Variants in YBX3 observed in about 807,000 individuals in gnomAD.
YBX3 encodes the protein Y-box binding protein 3, also known as Y-box-binding protein 3.
A neutral mutation model predicts 42.4 loss-of-function variants in YBX3; 29 were observed. That is an observed-to-expected ratio of 0.68 (90% CI 0.51 to 0.93). YBX3 has a LOEUF of 0.93. Among genes scored for constraint, YBX3 ranks in the 40% least tolerant of loss-of-function variants. The pLI, the probability that YBX3 is intolerant of heterozygous loss-of-function variation, is 0.00. For synonymous variants in YBX3, 195 were observed against 189.8 expected, an observed-to-expected ratio of 1.03 and a Z score of -0.22; for missense variants, 517 against 527.5, an observed-to-expected ratio of 0.98 and a Z score of 0.19.
rs772567454 is a variant in YBX3, at chr12:10,713,216, G to A, written c.568C>T (p.Arg190Trp). Reference sequence around the variant, plus strand: ...AAGTAACAGAGACAACGTACATTCCGGGGAGGGCCACGGCGCCTTCCATAG... The same window carrying A: ...AAGTAACAGAGACAACGTACATTCCAGGGAGGGCCACGGCGCCTTCCATAG... ...GYYGRRRGPP[R>W]NYAGEEEEEG... The change falls in exon 5 of 10, where the codon CGG (arginine) becomes TGG (tryptophan). Residue 190 changes from arginine (R) to tryptophan (W), a missense_variant. This residue lies in a region of YBX3 where 420 missense variants were observed against 408.5 expected (regional missense o/e 1.03). Coordinates refer to ENST00000228251, the MANE Select transcript of YBX3 (RefSeq NM_003651.5). 8.1e-5 allele frequency: 130 copies of A among 1,610,876 alleles called. 2 individuals are homozygous for A. The South Asian group carries it at 1.1e-3, about 14-fold the overall frequency.
chr12:10,722,824 C>A, intron 1 of YBX3, 26 bp downstream of exon 1: 1 of 1,439,702 alleles, frequency 6.9e-7, no homozygotes. Context: ...ACTACGGCAG[C>A]CCCTGCCCTC....
chr12:10,712,979 C>T, intron 5 of YBX3: 2 of 502,832 alleles, frequency 4.0e-6, no homozygotes, highest in South Asian at 3.3e-5. Flanking sequence ...GAAATCACCA[C>T]TAAAGAACTT....
intron 6 of YBX3, chr12:10,704,429 C>A: frequency 3.6e-6 from 1 of 279,676 alleles, no homozygotes; most frequent in Non-Finnish European, 6.6e-6. Flanking sequence ...GGATACATTT[C>A]ATTCATCTCT....
chr12:10,713,181 A>G (rs1296362960), intron 5 of YBX3, 30 bp downstream of exon 5: 1 of 1,592,580 alleles, frequency 6.3e-7, no homozygotes, highest in African/African-American at 1.4e-5. Context: ...CAATTTCTCA[A>G]TCACTGGTTA....
chr12:10,710,289 T>C, intron 5 of YBX3, 175 bp from the exon 6 acceptor site: 1 of 1,491,814 alleles, frequency 6.7e-7, no homozygotes, highest in South Asian at 1.3e-5. Context: ...TGGGATAAAC[T>C]ACATTAAGAT....
intron 9 of YBX3, among the ~76,000 whole-genome samples, chr12:10,699,866 G>C (rs766777129): frequency 6.6e-6 from 1 of 152,032 alleles, no homozygotes; most frequent in Non-Finnish European, 1.5e-5. Context: ...AACCAGAAAA[G>C]TCAGTACATA....
At chr12:10,718,373 G>A (rs573570332) in intron 2 of YBX3, 6 of 412,542 alleles carry the variant, frequency 1.5e-5, no homozygotes, top group Admixed American at 4.1e-5. Flanking sequence ...GAAACATCCC[G>A]TTCCTCTGTC....
chr12:10,714,153 C>A (rs1407821537), intron 4 of YBX3, among the ~76,000 whole-genome samples: 1 of 152,058 alleles, frequency 6.6e-6, no homozygotes, highest in East Asian at 1.9e-4. Context: ...TTACAAGATA[C>A]CCTGGGGATC....
At chr12:10,703,975 C>T (rs1372765038) in intron 7 of YBX3, 76 bp downstream of exon 7, 25 of 1,396,202 alleles carry the variant, frequency 1.8e-5, no homozygotes, top group Admixed American at 1.0e-4. Context: ...ATCCACAAAA[C>T]GGAACCACAC....
At chr12:10,715,607 G>T in intron 4 of YBX3, 87 bp downstream of exon 4, 1 of 1,236,966 alleles carries the variant, frequency 8.1e-7, no homozygotes, top group Non-Finnish European at 1.2e-6. Context: ...CCAAAGTCAT[G>T]TCAATTCATA....
chr12:10,714,544 C>A (rs1347216212), intron 4 of YBX3, among the ~76,000 whole-genome samples: 1 of 152,074 alleles, frequency 6.6e-6, no homozygotes, highest in Non-Finnish European at 1.5e-5. Flanking sequence ...TTCAGTTCAC[C>A]CGGACGAAGC....
chr12:10,704,004 G>A (rs759599637), intron 7 of YBX3, 47 bp downstream of exon 7: 34 of 1,551,248 alleles, frequency 2.2e-5, no homozygotes, highest in Non-Finnish European at 2.9e-5. Flanking sequence ...TTCTACCATT[G>A]TGCACACAAG....
chr12:10,709,902 T>C lies in YBX3; in HGVS notation c.780+6A>G, dbSNP rs1182958580. On this transcript the variant is annotated splice_donor_region_variant and intron_variant, in intron 6 of 9. Transcript: ENST00000228251. ...TGCTGAAGAGAAGTCTCAGTTGCAA[T>C]TTTACCTGTATTCTGTTGGGATGGG... 5 of 1,613,748 alleles carry C rather than the reference T, an allele frequency of 3.1e-6. No individual in the cohort carries two copies. Among genetic ancestry groups the C allele is most frequent in the Non-Finnish European group, 3.4e-6 (4 of 1,180,024 alleles).
chr12:10,718,307 C>A, intron 2 of YBX3, 186 bp from the exon 3 acceptor site: 1 of 504,590 alleles, frequency 2.0e-6, no homozygotes. Context: ...GGCCACCCAC[C>A]TTCCTCCTCC....
intron 6 of YBX3, among the ~76,000 whole-genome samples, chr12:10,706,389 TGG>T: frequency 6.6e-6 from 1 of 152,314 alleles, no homozygotes; most frequent in South Asian, 2.1e-4. Flanking sequence ...GAAACCTCAA[TGG>T]GGAATATGTC....
At chr12:10,703,959 TAATA>T in intron 7 of YBX3, 88 bp downstream of exon 7, 1 of 1,227,614 alleles carries the variant, frequency 8.1e-7, no homozygotes, top group East Asian at 2.3e-5. Flanking sequence ...TCTAGATATA[TAATA>T]AATCCACAAA....
chr12:10,712,828 G>A (rs1948214581), intron 5 of YBX3: 1 of 161,980 alleles, frequency 6.2e-6, no homozygotes, highest in Admixed American at 6.4e-5. Flanking sequence ...ATTACTTGTA[G>A]CCAAATATAT....
chr12:10,718,591 A>C (rs1468356243), intron 2 of YBX3, among the ~76,000 whole-genome samples: 1 of 152,230 alleles, frequency 6.6e-6, no homozygotes. Flanking sequence ...AAATGCCGAT[A>C]TCATGTGAAA....
intron 6 of YBX3, among the ~76,000 whole-genome samples, chr12:10,706,044 T>G (rs545105360): frequency 1.3e-5 from 2 of 152,370 alleles, no homozygotes; most frequent in East Asian, 3.9e-4. Flanking sequence ...ATGCTGTTAC[T>G]AAGATATCAC....
Sources: gnomAD v4.1 joint callset for allele counts (sites outside exome capture counted in the v4.1 genomes callset) on GRCh38, gnomAD v4.1.1 for gene constraint, gnomAD v4.1.1 regional missense constraint, MANE v1.5 for transcripts, NCBI Gene and HGNC (gene_info 2026-07-23, HGNC 2026-07-21) for gene names.